The following HIVEP1 variants were observed in gnomAD, a reference collection of about 807,000 sequenced individuals.
HIVEP1 encodes zinc finger protein 40.
HIVEP1 carries 36 observed loss-of-function variants against 180.0 expected under a neutral mutation model. That is an observed-to-expected ratio of 0.20 (90% CI 0.15 to 0.26). The LOEUF (loss-of-function observed/expected upper bound fraction) is 0.26, where lower values mean the gene tolerates loss of function less well. Among genes scored for constraint, HIVEP1 ranks in the 10% least tolerant of loss-of-function variants. The pLI is 1.00. For missense variants in HIVEP1, 3,143 were observed against 3,268.7 expected, an observed-to-expected ratio of 0.96 and a Z score of 0.94; for synonymous variants, 1,239 against 1,239.0, an observed-to-expected ratio of 1.00 and a Z score of 0.00.
intron 7 of HIVEP1, among the ~76,000 whole-genome samples, chr6:12,160,522 T>C (rs1760330733): frequency 6.6e-6 from 1 of 152,188 alleles, no homozygotes; most frequent in South Asian, 2.1e-4. Flanking sequence ...AGAGTTGACT[T>C]GAGCCAGAAT....
chr6:12,083,190 A>G (rs1243822462), intron 2 of HIVEP1, among the ~76,000 whole-genome samples: 13 of 152,120 alleles, frequency 8.5e-5, no homozygotes, highest in Non-Finnish European at 8.8e-5. Context: ...ATTCATCTTC[A>G]TGGCGCAAAA....
chr6:12,100,340 A>G (rs948552344), intron 3 of HIVEP1, among the ~76,000 whole-genome samples: 1 of 152,296 alleles, frequency 6.6e-6, no homozygotes, highest in Admixed American at 6.5e-5. Context: ...AGTGGTAAAA[A>G]TACTCCCCAC....
chr6:12,041,968 TTTTA>T (rs1401874873), intron 2 of HIVEP1, among the ~76,000 whole-genome samples: 1 of 151,662 alleles, frequency 6.6e-6, no homozygotes, highest in Non-Finnish European at 1.5e-5. Context: ...CAGTTTTGTT[TTTTA>T]TTTCTTTTCA....
chr6:12,007,936 TC>T (rs1274614444), upstream of HIVEP1: 1 of 152,148 alleles, frequency 6.6e-6, no homozygotes, highest in East Asian at 1.9e-4. Context: ...TTTGTAATCT[TC>T]CAGAGGGCAA....
At chr6:12,181,780 A>T in the HIVEP1 span, among the ~76,000 whole-genome samples, 1 of 152,228 alleles carries the variant, frequency 6.6e-6, no homozygotes, top group African/African-American at 2.4e-5. Flanking sequence ...TGCAAAGGTG[A>T]GAGCTTGTAT....
At position 12,125,457 on chromosome 6, in the gene HIVEP1, T is replaced by C. The variant is rs1256758044; in HGVS notation, c.5662T>C (p.Cys1888Arg). 1.2e-6 allele frequency: 2 copies of C among 1,614,118 alleles called. No individual in the cohort carries two copies. Among genetic ancestry groups the C allele is most frequent in the Admixed American group, 3.3e-5 (2 of 60,006 alleles). The change falls in exon 4 of 9, where the codon TGT becomes CGT. Residue 1888 changes from cysteine to arginine, a missense_variant. Physicochemically the swap from Cys to Arg is radical, Grantham distance 180. This residue lies in a region of HIVEP1 where 1,357 missense variants were observed against 1,260.5 expected (regional missense o/e 1.08). Coordinates refer to ENST00000379388, the MANE Select transcript of HIVEP1 (RefSeq NM_002114.4). ...AAATACTCATATTTCTCCTTTGAAA[T>C]GTACAGACAATAACCAAGAAAGGAA... ...SENTHISPLK[C>R]TDNNQERKSP... is the part of the protein sequence containing the mutation.
chr6:12,209,976 G>T, the HIVEP1 span, among the ~76,000 whole-genome samples: 3 of 152,152 alleles, frequency 2.0e-5, no homozygotes, highest in African/African-American at 4.8e-5. Flanking sequence ...ATATAGCCGG[G>T]TGTAGTGGTG....
At chr6:12,173,472 C>T in the HIVEP1 span, among the ~76,000 whole-genome samples, 1 of 152,124 alleles carries the variant, frequency 6.6e-6, no homozygotes. Context: ...TACATTTTAG[C>T]TATAAAAAGC....
At chr6:12,094,329 T>C (rs928327023) in intron 3 of HIVEP1, among the ~76,000 whole-genome samples, 1 of 152,038 alleles carries the variant, frequency 6.6e-6, no homozygotes, top group Admixed American at 6.5e-5. Flanking sequence ...TTGTTTCTTT[T>C]ATTTATTTTT....
At chr6:12,102,575 G>A (rs1774174600) in intron 3 of HIVEP1, among the ~76,000 whole-genome samples, 1 of 152,178 alleles carries the variant, frequency 6.6e-6, no homozygotes, top group Non-Finnish European at 1.5e-5. Flanking sequence ...CTGTCATACT[G>A]ATAACAGGTA....
the HIVEP1 span, among the ~76,000 whole-genome samples, chr6:12,178,232 A>T: frequency 6.6e-6 from 1 of 152,222 alleles, no homozygotes; most frequent in Non-Finnish European, 1.5e-5. Context: ...TCCAAAACTT[A>T]TTTCAATTAT....
intron 3 of HIVEP1, among the ~76,000 whole-genome samples, chr6:12,095,377 G>T (rs567541968): frequency 4.1e-4 from 62 of 151,854 alleles, no homozygotes; most frequent in African/African-American, 1.4e-3. Context: ...ACTTAAAGCT[G>T]TTAATTTCCT....
intron 2 of HIVEP1, among the ~76,000 whole-genome samples, chr6:12,051,858 A>G (rs1388038570): frequency 1.3e-5 from 2 of 152,238 alleles, no homozygotes; most frequent in Admixed American, 6.5e-5. Flanking sequence ...CCATAATTAT[A>G]CTTCAGCAAT....
At chr6:12,098,680 A>G (rs773403702) in intron 3 of HIVEP1, among the ~76,000 whole-genome samples, 4 of 152,232 alleles carry the variant, frequency 2.6e-5, no homozygotes, top group Non-Finnish European at 5.9e-5. Flanking sequence ...CCTGAAGAAT[A>G]TAATTTGAGG....
downstream of HIVEP1, among the ~76,000 whole-genome samples, chr6:12,167,673 C>T (rs200924773): frequency 1.6e-4 from 3 of 18,372 alleles, no homozygotes; most frequent in African/African-American, 7.7e-4. Flanking sequence ...TACATATATA[C>T]ATATATGTGT....
rs749951547 is a variant in HIVEP1, at chr6:12,125,595, CCTA to C, written c.5801_5803del (p.Pro1934_Ser1935delinsArg). The C allele has an allele frequency of 6.2e-7, 1 of 1,614,204 alleles. No individual in the cohort carries two copies. Among genetic ancestry groups the C allele is most frequent in the South Asian group, 1.1e-5 (1 of 91,084 alleles). On this transcript the variant is annotated inframe_deletion, in exon 4 of 9. Coordinates refer to ENST00000379388, the MANE Select transcript of HIVEP1 (RefSeq NM_002114.4). ...CAAGGACACCCAGCAGCTGGCTTTC[CCTA>C]GCCTGAAAACTACAACCAACTTTAC...
chr6:12,127,706 G>A (rs1373271493), intron 4 of HIVEP1, among the ~76,000 whole-genome samples: 1 of 152,176 alleles, frequency 6.6e-6, no homozygotes, highest in Non-Finnish European at 1.5e-5. Context: ...AAGTTGAATG[G>A]TTGAAGAAAG....
rs183884122 is a variant in HIVEP1, at chr6:12,128,003, G to C, written c.6076-1756G>C. Among the ~76,000 whole-genome samples, 3 of 152,256 alleles carry C rather than the reference G, an allele frequency of 2.0e-5. No individual in the cohort carries two copies. The East Asian group carries it at 5.8e-4, about 29-fold the overall frequency. ...AACAGATAGATGCTATAAAGTAAAA[G>C]GATTTCTAGGCAAAACATGGCATTT... On this transcript the variant is annotated intron_variant, in intron 4 of 8. Coordinates refer to ENST00000379388, the MANE Select transcript of HIVEP1 (RefSeq NM_002114.4).
intron 7 of HIVEP1, among the ~76,000 whole-genome samples, chr6:12,145,062 C>T (rs1319428486): frequency 6.6e-6 from 1 of 152,186 alleles, no homozygotes; most frequent in African/African-American, 2.4e-5. Flanking sequence ...TATAAAGACA[C>T]ATGCACACGT....
Sources: allele counts gnomAD v4.1 joint callset (sites outside exome capture counted in the v4.1 genomes callset), GRCh38; gene constraint gnomAD v4.1.1; regional missense constraint gnomAD v4.1.1; transcripts MANE v1.5; gene names NCBI Gene and HGNC (gene_info 2026-07-23, HGNC 2026-07-21).